The following SLC52A1 variants were observed in gnomAD, a reference collection of about 807,000 sequenced individuals.
SLC52A1 encodes the protein solute carrier family 52 member 1, also known as solute carrier family 52, riboflavin transporter, member 1.
A neutral mutation model predicts 23.2 loss-of-function variants in SLC52A1; 20 were observed. That is an observed-to-expected ratio of 0.86 (90% CI 0.61 to 1.25). The LOEUF is 1.25. Among genes scored for constraint, SLC52A1 ranks in the 50% most tolerant of loss-of-function variants. The pLI is 0.00. For missense variants in SLC52A1, 528 were observed against 557.0 expected, an observed-to-expected ratio of 0.95 and a Z score of 0.52; for synonymous variants, 260 against 256.6, an observed-to-expected ratio of 1.01 and a Z score of -0.13.
At chr17:5,038,656 G>A (rs929904904), upstream of SLC52A1, among the ~76,000 whole-genome samples, 2 of 151,288 alleles carry the variant, frequency 1.3e-5, no homozygotes, top group Non-Finnish European at 2.9e-5. Flanking sequence ...GCGCAATCTC[G>A]GCTCACTGCA....
chr17:5,033,021 G>A lies in SLC52A1; in HGVS notation c.1283C>T (p.Pro428Leu). The change falls in exon 5 of 5, where the codon CCT (proline) becomes CTT (leucine). Residue 428 changes from proline (P) to leucine (L), a missense_variant. By Grantham distance (98) the Pro-to-Leu change is moderately conservative. Coordinates refer to ENST00000254853, the MANE Select transcript of SLC52A1 (RefSeq NM_017986.4). ...GSLLGAGAMF[P>L]PTSIYHVFQS... ...AAACACGTGGTAGATGCTGGTGGGA[G>A]GGAACATGGCACCGGCACCAAGCAG... 6.2e-7 allele frequency: 1 copy of A among 1,613,802 alleles called. No individual in the cohort carries two copies.
intron 1 of SLC52A1, among the ~76,000 whole-genome samples, chr17:5,041,982 T>G (rs1975549885): frequency 6.6e-6 from 1 of 152,138 alleles, no homozygotes; most frequent in Non-Finnish European, 1.5e-5. Flanking sequence ...GCAATCCTCC[T>G]GCCTCAGCCT....
chr17:5,033,833 G>A lies in SLC52A1; in HGVS notation c.656C>T (p.Pro219Leu), dbSNP rs1269543927. The A allele has an allele frequency of 5.0e-6, 8 of 1,614,246 alleles. No individual in the cohort carries two copies. The highest frequency in any genetic ancestry group is 6.8e-6 in the Non-Finnish European group (8 of 1,180,044). The change falls in exon 3 of 5, where the codon CCA becomes CTA. Residue 219 changes from proline to leucine, a missense_variant. Physicochemically the swap from Pro to Leu is moderately conservative, Grantham distance 98 (BLOSUM62 -3). Coordinates refer to ENST00000254853, the MANE Select transcript of SLC52A1 (RefSeq NM_017986.4). Reference sequence around the variant, plus strand: ...CCCTGTGGTTACAGAGGGTAGTGATGGCAACAGCAACAGGAGACCCCGGAA... The same window carrying A: ...CCCTGTGGTTACAGAGGGTAGTGATAGCAACAGCAACAGGAGACCCCGGAA... ...AAFRGLLLLL[P>L]SLPSVTTGGS... is the part of the protein sequence containing the mutation.
At position 5,034,578 on chromosome 17, in the gene SLC52A1, A is replaced by G. The variant is rs1597877621; in HGVS notation, c.29T>C (p.Val10Ala). 6.2e-7 allele frequency: 1 copy of G among 1,614,058 alleles called. No individual in the cohort carries two copies. Among genetic ancestry groups the G allele is most frequent in the African/African-American group, 1.3e-5 (1 of 74,932 alleles). MAAPTLGRL[V>A]LTHLLVALFG... ...AAGGGCCACCAGCAGGTGGGTCAGC[A>G]CCAGACGGCCCAGCGTGGGTGCTGC... is the stretch of plus-strand genomic sequence containing the variant. The change falls in exon 2 of 5, where the codon GTG (valine) becomes GCG (alanine). Residue 10 changes from valine to alanine, a missense_variant. By Grantham distance (64) the Val-to-Ala change is moderately conservative. Coordinates refer to ENST00000254853, the MANE Select transcript of SLC52A1 (RefSeq NM_017986.4).
At chr17:5,039,623 C>A (rs1975521606), upstream of SLC52A1, among the ~76,000 whole-genome samples, 1 of 152,118 alleles carries the variant, frequency 6.6e-6, no homozygotes, top group African/African-American at 2.4e-5. Flanking sequence ...ATGCACCCAC[C>A]ACCAAGCCTG....
At position 5,034,669 on chromosome 17, in the gene SLC52A1, G is replaced by A. The variant is rs2143437710; in HGVS notation, c.-63C>T. On this transcript the variant is annotated 5_prime_UTR_variant, in exon 2 of 5. Transcript: ENST00000254853. Reference sequence around the variant, plus strand: ...TCACAGGCAGGTCCTTCCCTAGGTAGGTCCAAAGATGCTTTGGTTCTTCTG... The same window carrying A: ...TCACAGGCAGGTCCTTCCCTAGGTAAGTCCAAAGATGCTTTGGTTCTTCTG... 6.3e-7 allele frequency: 1 copy of A among 1,590,692 alleles called. No homozygotes were observed. Among genetic ancestry groups the A allele is most frequent in the Middle Eastern group, 1.7e-4 (1 of 5,930 alleles).
chr17:5,040,013 G>A (rs1433627585), upstream of SLC52A1, among the ~76,000 whole-genome samples: 1 of 152,202 alleles, frequency 6.6e-6, no homozygotes, highest in Admixed American at 6.6e-5. Flanking sequence ...AACGGTCATT[G>A]TTGGATGTGT....
In SLC52A1 at chr17:5,032,923, G is replaced by C. The variant is rs768466977; in HGVS notation, c.*34C>G. On this transcript the variant is annotated 3_prime_UTR_variant, in exon 5 of 5. Transcript: ENST00000254853. Reference sequence around the variant, plus strand: ...CTGTGGCAGCCTCACGATGAAGACAGGTGGGGTGGAGTTGGGTCCCCACCT... The same window carrying C: ...CTGTGGCAGCCTCACGATGAAGACACGTGGGGTGGAGTTGGGTCCCCACCT... The C allele has an allele frequency of 4.4e-6, 7 of 1,585,046 alleles. No individual in the cohort carries two copies. The East Asian group carries it at 1.3e-4, about 31-fold the overall frequency.
chr17:5,041,041 C>T (rs1275375811), intron 1 of SLC52A1, among the ~76,000 whole-genome samples: 1 of 151,852 alleles, frequency 6.6e-6, no homozygotes, highest in African/African-American at 2.4e-5. Flanking sequence ...GTGATCCACC[C>T]GCCTCGGCCT....
chr17:5,032,987 T>C lies in SLC52A1; in HGVS notation c.1317A>G (p.Arg439=), dbSNP rs757339770. Residue 439 remains arginine, a synonymous_variant, in exon 5 of 5, where the codon AGA becomes AGG. Coordinates refer to ENST00000254853, the MANE Select transcript of SLC52A1 (RefSeq NM_017986.4). ...PTSIYHVFQS[R]KDCVDPCGP ...GGCCACAGGGGTCTACACAGTCCTT[T>C]CTGCTTTGAAACACGTGGTAGATGC... 31 of 1,613,686 alleles carry C rather than the reference T, an allele frequency of 1.9e-5. No individual in the cohort carries two copies. Among genetic ancestry groups the C allele is most frequent in the Non-Finnish European group, 2.5e-5 (30 of 1,180,028 alleles).
Position 5,032,722 on chromosome 17 carries a change from C to T in SLC52A1, c.*235G>A. 2 of 475,112 alleles carry T rather than the reference C, an allele frequency of 4.2e-6. No individual in the cohort carries two copies. The highest frequency in any genetic ancestry group is 7.5e-6 in the Non-Finnish European group (2 of 266,674). The allele number at this position is 475,112 out of a possible 1,614,324, so 29.4% of individuals were successfully genotyped here. A position where few individuals can be genotyped will look rare whatever the true frequency, so the allele number is the denominator to read the frequency against. On this transcript the variant is annotated 3_prime_UTR_variant, in exon 5 of 5. Transcript: ENST00000254853. Reference sequence around the variant, plus strand: ...TAAAAACACTTTATTGCACAAATCCCACAAAGGTCTCAGGCCCTGGGTCCA... The same window carrying T: ...TAAAAACACTTTATTGCACAAATCCTACAAAGGTCTCAGGCCCTGGGTCCA...
At chr17:5,038,800 G>A (rs992912033), upstream of SLC52A1, among the ~76,000 whole-genome samples, 2 of 151,896 alleles carry the variant, frequency 1.3e-5, no homozygotes, top group African/African-American at 4.8e-5. Context: ...GTGTTAGCCA[G>A]GATGGTCTCG....
rs765575367 is a variant in SLC52A1 at position 5,034,165 on chromosome 17, C to G, written c.324G>C (p.Gln108His). Reference sequence around the variant, plus strand: ...GAGTTAGGAAGGCCACAGAGTGGAGCTGCCCTGCCACTGGGGCCACGTGGT... The same window carrying G: ...GAGTTAGGAAGGCCACAGAGTGGAGGTGCCCTGCCACTGGGGCCACGTGGT... ...LWHHVAPVAG[Q>H]LHSVAFLTLA... Residue 108 changes from glutamine to histidine, a missense_variant, in exon 3 of 5, where the codon CAG (glutamine) becomes CAC (histidine). By Grantham distance (24) the Gln-to-His change is conservative. Transcript: ENST00000254853. 5.9e-5 allele frequency: 95 copies of G among 1,613,974 alleles called. No individual in the cohort carries two copies. The highest frequency in any genetic ancestry group is 4.2e-6 in the Non-Finnish European group (5 of 1,179,956).
chr17:5,039,692 G>A (rs1033684171), upstream of SLC52A1, among the ~76,000 whole-genome samples: 11 of 152,182 alleles, frequency 7.2e-5, no homozygotes, highest in Admixed American at 4.6e-4. Flanking sequence ...GGCTGGTCTC[G>A]AACTCCTGAC....
In SLC52A1 at chr17:5,034,237, T is replaced by A; in HGVS notation, c.252A>T (p.Val84=). 6.2e-7 allele frequency: 1 copy of A among 1,613,668 alleles called. No homozygotes were observed. Among genetic ancestry groups the A allele is most frequent in the Non-Finnish European group, 8.5e-7 (1 of 1,179,778 alleles). The part of the protein sequence containing the change: ...GKGEQVPIQV[V]QVLSVVGTAL... ...CTGTGCCCACTACACTCAGCACCTG[T>A]ACCACCTGGATGGGGACCTGCTCGC... is the stretch of plus-strand genomic sequence containing the variant. Residue 84 remains valine, a synonymous_variant, in exon 3 of 5, where the codon GTA becomes GTT. Transcript: ENST00000254853.
chr17:5,039,307 C>T (rs866594022), upstream of SLC52A1, among the ~76,000 whole-genome samples: 10 of 150,702 alleles, frequency 6.6e-5, no homozygotes, highest in Middle Eastern at 6.8e-3. Context: ...TGGGCAACAG[C>T]GAGAGACTCC....
rs769623156 is a variant in SLC52A1, at chr17:5,033,257, TCACCACAAGGAC to T, written c.1126_1134+3del. 7.4e-6 allele frequency: 12 copies of T among 1,613,628 alleles called. No homozygotes were observed. In the South Asian group the frequency reaches 1.3e-4, roughly 18 times the overall value. On this transcript the variant is annotated splice_donor_variant and splice_donor_region_variant and coding_sequence_variant and intron_variant, in exon 4 of 5. Transcript: ENST00000254853. LOFTEE classifies it high-confidence loss of function. ...CTCCCCACTTCATGTCTCCACTTGC[TCACCACAAGGAC>T]CACCCCTGCAGTGGTGCCCACCAGG...
In SLC52A1 at chr17:5,034,546, T is replaced by A; in HGVS notation, c.61A>T (p.Met21Leu). 6.2e-7 allele frequency: 1 copy of A among 1,614,096 alleles called. No homozygotes were observed. Among genetic ancestry groups the A allele is most frequent in the South Asian group, 1.1e-5 (1 of 91,076 alleles). ...CCGTTCACAGCAGCCCAGGAGCCCA[T>A]GCCAAAAAGGGCCACCAGCAGGTGG... ...LTHLLVALFG[M>L]GSWAAVNGIW... Residue 21 changes from methionine (M) to leucine (L), a missense_variant, in exon 2 of 5, where the codon ATG becomes TTG. Met to Leu is a conservative substitution (Grantham distance 15, BLOSUM62 2). Transcript: ENST00000254853.
intron 4 of SLC52A1, 33 bp from the exon 5 acceptor site, chr17:5,033,202 T>C: frequency 1.9e-6 from 3 of 1,612,912 alleles, no homozygotes; most frequent in South Asian, 1.1e-5. Flanking sequence ...AGGCTGAGCA[T>C]GACATGCACT....
Sources: gnomAD v4.1 joint callset for allele counts (sites outside exome capture counted in the v4.1 genomes callset) on GRCh38, gnomAD v4.1.1 for gene constraint, MANE v1.5 for transcripts, NCBI Gene and HGNC (gene_info 2026-07-23, HGNC 2026-07-21) for gene names.